Variants in PTPN2 observed in about 807,000 individuals in gnomAD.
PTPN2 encodes tyrosine-protein phosphatase non-receptor type 2.
In PTPN2, 19 loss-of-function variants were observed where a neutral mutation model predicts 57.3. The ratio of observed to expected loss-of-function variants is 0.33; its 90% CI spans 0.23 to 0.49. PTPN2 has a LOEUF of 0.49. PTPN2 is among the 20% of genes least tolerant of loss of function. The pLI is 0.99. For synonymous variants in PTPN2, 153 were observed against 164.9 expected, an observed-to-expected ratio of 0.93 and a Z score of 0.55; for missense variants, 358 against 501.1, an observed-to-expected ratio of 0.71 and a Z score of 2.73.
intron 2 of PTPN2, among the ~76,000 whole-genome samples, chr18:12,844,572 T>C (rs1335809212): frequency 6.6e-6 from 1 of 152,206 alleles, no homozygotes; most frequent in African/African-American, 2.4e-5. Flanking sequence ...ATCTGTGTCA[T>C]ATCTTTTGCC....
At chr18:12,808,936 C>T (rs2145282060) in intron 7 of PTPN2, among the ~76,000 whole-genome samples, 1 of 152,332 alleles carries the variant, frequency 6.6e-6, no homozygotes, top group African/African-American at 2.4e-5. Flanking sequence ...GAGTAGTCAC[C>T]ACAGTGGTGC....
intron 5 of PTPN2, among the ~76,000 whole-genome samples, chr18:12,825,340 T>C (rs1249531314): frequency 6.6e-6 from 1 of 152,166 alleles, no homozygotes; most frequent in Admixed American, 6.6e-5. Context: ...CTGGGAGCTA[T>C]TGCTTGCTGG....
At chr18:12,864,269 C>T (rs960929388) in intron 1 of PTPN2, 2 of 151,870 alleles carry the variant, frequency 1.3e-5, no homozygotes, top group Non-Finnish European at 2.9e-5. Context: ...GCATTGCCTA[C>T]ATTAAGACCA....
At chr18:12,807,999 C>T (rs2145277424) in intron 7 of PTPN2, among the ~76,000 whole-genome samples, 1 of 152,012 alleles carries the variant, frequency 6.6e-6, no homozygotes, top group Non-Finnish European at 1.5e-5. Context: ...GCCTGGGCAA[C>T]ATGGTGAGAC....
At chr18:12,819,766 C>G (rs1377160785) in intron 5 of PTPN2, among the ~76,000 whole-genome samples, 2 of 145,914 alleles carry the variant, frequency 1.4e-5, no homozygotes, top group African/African-American at 5.3e-5. Context: ...GCAGTTAATA[C>G]GGCAACACTG....
chr18:12,802,615 G>A (rs1568086134), intron 7 of PTPN2, among the ~76,000 whole-genome samples: 1 of 152,166 alleles, frequency 6.6e-6, no homozygotes, highest in South Asian at 2.1e-4. Flanking sequence ...AAAGCAGCAA[G>A]AGAAAAGGAT....
intron 5 of PTPN2, among the ~76,000 whole-genome samples, chr18:12,820,714 G>A (rs906016040): frequency 2.6e-5 from 4 of 152,166 alleles, no homozygotes; most frequent in Admixed American, 6.5e-5. Flanking sequence ...ACACACACGC[G>A]GGTTGCACCC....
intron 6 of PTPN2, among the ~76,000 whole-genome samples, chr18:12,816,563 G>A (rs1232093121): frequency 1.3e-5 from 2 of 152,114 alleles, no homozygotes; most frequent in African/African-American, 2.4e-5. Context: ...AAAAATAAAG[G>A]TCCTAAAAAG....
chr18:12,829,154 C>A (rs537310420), intron 4 of PTPN2, among the ~76,000 whole-genome samples: 6 of 152,208 alleles, frequency 3.9e-5, no homozygotes, highest in African/African-American at 1.4e-4. Flanking sequence ...CAACTCAGCT[C>A]CCCAAAGTGC....
intron 6 of PTPN2, among the ~76,000 whole-genome samples, chr18:12,815,320 G>A (rs943615574): frequency 3.3e-5 from 5 of 151,844 alleles, no homozygotes; most frequent in Non-Finnish European, 7.4e-5. Context: ...GCTGAGGCAG[G>A]AGAATCTCTT....
intron 2 of PTPN2, among the ~76,000 whole-genome samples, chr18:12,841,407 C>G (rs3826556): frequency 0.07 from 10,732 of 152,242 alleles, 544 homozygotes; most frequent in East Asian, 0.14. Flanking sequence ...ATGAAAATAA[C>G]TCTCAGCAGC....
chr18:12,883,873 T>TTA (rs1332205669), intron 1 of PTPN2, 200 bp downstream of exon 1: 4 of 313,624 alleles, frequency 1.3e-5, no homozygotes, highest in African/African-American at 1.1e-4. Flanking sequence ...AAGTATGCTT[T>TTA]TTTTTTTTTT....
At chr18:12,872,240 G>A (rs2044293148) in intron 1 of PTPN2, 1 of 152,064 alleles carries the variant, frequency 6.6e-6, no homozygotes, top group African/African-American at 2.4e-5. Context: ...CAAACCACAG[G>A]AAGAATTCCT....
chr18:12,804,979 T>C (rs1360170441), intron 7 of PTPN2, among the ~76,000 whole-genome samples: 2 of 152,110 alleles, frequency 1.3e-5, no homozygotes, highest in East Asian at 1.9e-4. Context: ...AATGAAATAA[T>C]AGCAAATTGA....
chr18:12,858,271 G>A (rs1184910846), intron 2 of PTPN2, among the ~76,000 whole-genome samples: 3 of 152,162 alleles, frequency 2.0e-5, no homozygotes, highest in Non-Finnish European at 4.4e-5. Context: ...CCAACAGGGA[G>A]CCCTAAAGAG....
intron 7 of PTPN2, among the ~76,000 whole-genome samples, chr18:12,812,975 C>T (rs2041945635): frequency 6.6e-6 from 1 of 151,600 alleles, no homozygotes; most frequent in Admixed American, 6.6e-5. Flanking sequence ...AAAAAAAGAT[C>T]CACCCTCAGA....
At chr18:12,807,580 A>T (rs1171155347) in intron 7 of PTPN2, among the ~76,000 whole-genome samples, 1,058 of 60,120 alleles carry the variant, frequency 0.018, 46 homozygotes, top group Non-Finnish European at 0.033. Flanking sequence ...AAAAAAAAAA[A>T]AAAAAAATAT....
At chr18:12,845,017 T>G (rs992314842) in intron 2 of PTPN2, among the ~76,000 whole-genome samples, 3 of 152,246 alleles carry the variant, frequency 2.0e-5, no homozygotes, top group African/African-American at 7.2e-5. Flanking sequence ...ACTTATGTAT[T>G]TATCCCTCTG....
At chr18:12,864,714 C>T (rs2043934473) in intron 1 of PTPN2, among the ~76,000 whole-genome samples, 1 of 152,130 alleles carries the variant, frequency 6.6e-6, no homozygotes, top group Non-Finnish European at 1.5e-5. Flanking sequence ...TACCTACTTT[C>T]AATGTGTTTA....
Sources: allele counts gnomAD v4.1 joint callset (sites outside exome capture counted in the v4.1 genomes callset), GRCh38; gene constraint gnomAD v4.1.1; transcripts MANE v1.5; gene names NCBI Gene and HGNC (gene_info 2026-07-23, HGNC 2026-07-21).